MSTO1: variants seen among roughly 807,000 people sequenced by gnomAD.
MSTO1 encodes protein misato homolog 1.
MSTO1 carries 24 observed loss-of-function variants against 55.7 expected under a neutral mutation model. The observed-to-expected ratio is 0.43, with a 90% CI of 0.31 to 0.61. The LOEUF is 0.61. Among genes scored for constraint, MSTO1 ranks in the 20% least tolerant of loss-of-function variants. The pLI is 0.09. For missense variants in MSTO1, 363 were observed against 625.7 expected, an observed-to-expected ratio of 0.58 and a Z score of 4.48; for synonymous variants, 162 against 252.8, an observed-to-expected ratio of 0.64 and a Z score of 3.41.
At chr1:155,597,515 C>CTT in the MSTO1 span, among the ~76,000 whole-genome samples, 2 of 143,020 alleles carry the variant, frequency 1.4e-5, no homozygotes. Flanking sequence ...TAATTGCAAA[C>CTT]TTTTTTTTTT....
At chr1:155,591,161 A>G in the MSTO1 span, 1 of 1,613,398 alleles carries the variant, frequency 6.2e-7, no homozygotes, top group Non-Finnish European at 8.5e-7. Flanking sequence ...TGCCGATGAA[A>G]GTGGTCACTT....
the MSTO1 span, chr1:155,590,568 C>G: frequency 1.7e-5 from 19 of 1,112,130 alleles, no homozygotes; most frequent in African/African-American, 2.5e-4. Context: ...CTGGATGGCT[C>G]TAGTGCCAGC....
upstream of MSTO1, chr1:155,610,086 G>C: frequency 1.4e-6 from 1 of 694,968 alleles, no homozygotes; most frequent in East Asian, 2.8e-5. Flanking sequence ...CGTCTAGGAA[G>C]AGGTAGGAAG....
the MSTO1 span, among the ~76,000 whole-genome samples, chr1:155,587,439 C>CAGAA: frequency 1.9e-5 from 1 of 52,678 alleles, no homozygotes; most frequent in African/African-American, 8.2e-5. Flanking sequence ...GACTACGTCT[C>CAGAA]AAAAAAAAAA....
chr1:155,572,301 G>A, the MSTO1 span, among the ~76,000 whole-genome samples: 1 of 152,130 alleles, frequency 6.6e-6, no homozygotes, highest in Admixed American at 6.6e-5. Flanking sequence ...GTTGGGGGAG[G>A]GGACAAAATC....
upstream of MSTO1, among the ~76,000 whole-genome samples, chr1:155,605,670 C>T (rs761563992): frequency 6.6e-6 from 1 of 152,048 alleles, no homozygotes; most frequent in African/African-American, 2.4e-5. Flanking sequence ...ACAGCTACTC[C>T]GGAGGCTGAA....
the MSTO1 span, chr1:155,591,153 C>T: frequency 6.2e-7 from 1 of 1,613,446 alleles, no homozygotes; most frequent in Non-Finnish European, 8.5e-7. Context: ...GATGCTGTTG[C>T]CGATGAAAGT....
chr1:155,610,037 G>C, upstream of MSTO1: 1 of 581,360 alleles, frequency 1.7e-6, no homozygotes, highest in Non-Finnish European at 3.0e-6. Context: ...GTGGAGCCCC[G>C]CCCCTCACAG....
chr1:155,609,243 A>ATATATATATATATATTTTT (rs59756178), upstream of MSTO1, among the ~76,000 whole-genome samples: 10 of 54,572 alleles, frequency 1.8e-4, no homozygotes, highest in Admixed American at 3.9e-4. Context: ...ATATATATAT[A>ATATATATATATATATTTTT]TTTTTTTTTT....
chr1:155,568,846 T>C, the MSTO1 span, among the ~76,000 whole-genome samples: 3 of 150,986 alleles, frequency 2.0e-5, no homozygotes, highest in African/African-American at 7.3e-5. Flanking sequence ...TTTCTTTTTC[T>C]TTTTCTTTTT....
In MSTO1 at chr1:155,613,272, T is replaced by C. The variant is rs1228524953; in HGVS notation, c.1283+39T>C. On this transcript the variant is annotated intron_variant, in intron 11 of 13. Coordinates refer to ENST00000245564, the MANE Select transcript of MSTO1 (RefSeq NM_018116.4). Reference sequence around the variant, plus strand: ...GTCCTTAGGAGTCCTTGTCAGATTTTTGTCTCATATCCATCTTCCCCTAAT... The same window carrying C: ...GTCCTTAGGAGTCCTTGTCAGATTTCTGTCTCATATCCATCTTCCCCTAAT... 7 of 1,599,602 alleles carry C rather than the reference T, an allele frequency of 4.4e-6. No homozygotes were observed. The East Asian group carries it at 1.3e-4, about 31-fold the overall frequency.
At chr1:155,607,934 C>A (rs1372110577), upstream of MSTO1, among the ~76,000 whole-genome samples, 15 of 152,202 alleles carry the variant, frequency 9.9e-5, no homozygotes, top group Admixed American at 7.9e-4. Flanking sequence ...GAGGTTGAAG[C>A]TTCAGTGAGC....
At chr1:155,565,044 C>G in the MSTO1 span, among the ~76,000 whole-genome samples, 1 of 152,012 alleles carries the variant, frequency 6.6e-6, no homozygotes, top group Admixed American at 6.6e-5. Context: ...TTGCTTGAAC[C>G]CGGGAGGCAG....
the MSTO1 span, among the ~76,000 whole-genome samples, chr1:155,565,268 C>T: frequency 3.9e-4 from 58 of 146,864 alleles, no homozygotes; most frequent in Middle Eastern, 3.6e-3. Context: ...GCATTCCAGC[C>T]TGGGAGACGA....
chr1:155,612,471 C>A lies in MSTO1; in HGVS notation c.867C>A (p.His289Gln). 6.2e-7 allele frequency: 1 copy of A among 1,614,094 alleles called. No homozygotes were observed. The highest frequency in any genetic ancestry group is 8.5e-7 in the Non-Finnish European group (1 of 1,179,984). Residue 289 changes from histidine (H) to glutamine (Q), a missense_variant, in exon 9 of 14, where the codon CAC becomes CAA. His to Gln is a conservative substitution (Grantham distance 24). Coordinates refer to ENST00000245564, the MANE Select transcript of MSTO1 (RefSeq NM_018116.4). ...TAAACACAGCTTTTGGTCTCGTGCACCTGACTGCTCACAGCTCTCTTGTCT... is the reference window on the plus strand; with the variant it reads ...TAAACACAGCTTTTGGTCTCGTGCAACTGACTGCTCACAGCTCTCTTGTCT... ...RLLNTAFGLV[H>Q]LTAHSSLVCP... is the part of the protein sequence containing the mutation.
chr1:155,614,016 A>G (rs755681291), intron 13 of MSTO1, 43 bp from the exon 14 acceptor site: 9 of 1,606,146 alleles, frequency 5.6e-6, no homozygotes, highest in Non-Finnish European at 6.8e-6. Flanking sequence ...CCAGGGCAGA[A>G]TAATCATCCA....
At chr1:155,591,049 G>A in the MSTO1 span, 45 of 1,613,646 alleles carry the variant, frequency 2.8e-5, no homozygotes, top group Middle Eastern at 1.7e-4. Context: ...CTGTGGCAGC[G>A]CCAGCAGTGA....
the MSTO1 span, among the ~76,000 whole-genome samples, chr1:155,586,204 CTTT>C: frequency 7.9e-6 from 1 of 127,088 alleles, no homozygotes; most frequent in Non-Finnish European, 1.6e-5. Context: ...CTCTCTCTGT[CTTT>C]TTTTTTTTTT....
chr1:155,606,526 C>G (rs1672938866), upstream of MSTO1, among the ~76,000 whole-genome samples: 1 of 151,874 alleles, frequency 6.6e-6, no homozygotes, highest in Non-Finnish European at 1.5e-5. Flanking sequence ...TCCCGAGGAG[C>G]TGGGACCACA....
Sources: gnomAD v4.1 joint callset for allele counts (sites outside exome capture counted in the v4.1 genomes callset) on GRCh38, gnomAD v4.1.1 for gene constraint, MANE v1.5 for transcripts, NCBI Gene and HGNC (gene_info 2026-07-23, HGNC 2026-07-21) for gene names.